SERPINB8: variants seen among roughly 807,000 people sequenced by gnomAD.
The protein encoded by SERPINB8 is serpin family B member 8, also known as serpin B8.
SERPINB8 carries 25 observed loss-of-function variants against 35.3 expected under a neutral mutation model. The observed-to-expected ratio is 0.71, with a 90% CI of 0.52 to 0.99. The LOEUF (loss-of-function observed/expected upper bound fraction) is 0.99, where lower values mean the gene tolerates loss of function less well. Ranked by LOEUF, SERPINB8 falls within the 50% of genes least tolerant of loss-of-function variation. SERPINB8 has a pLI of 0.00. For synonymous variants in SERPINB8, 186 were observed against 160.8 expected, an observed-to-expected ratio of 1.16 and a Z score of -1.19; for missense variants, 484 against 446.5, an observed-to-expected ratio of 1.08 and a Z score of -0.76.
At chr18:63,977,804 G>T (rs942700846) in intron 1 of SERPINB8, among the ~76,000 whole-genome samples, 2 of 152,184 alleles carry the variant, frequency 1.3e-5, no homozygotes, top group Non-Finnish European at 2.9e-5. Context: ...CACAAATTTA[G>T]TGGCTGAAAA....
At chr18:63,971,453 T>C (rs1465190116) in intron 1 of SERPINB8, among the ~76,000 whole-genome samples, 1 of 152,192 alleles carries the variant, frequency 6.6e-6, no homozygotes, top group East Asian at 1.9e-4. Flanking sequence ...GAACAAGTCA[T>C]ATTCCCCATT....
intron 3 of SERPINB8, among the ~76,000 whole-genome samples, chr18:63,981,320 C>T (rs2144807295): frequency 6.6e-6 from 1 of 152,320 alleles, no homozygotes; most frequent in South Asian, 2.1e-4. Context: ...TCTCGTTTAA[C>T]CAAAACCACA....
intron 1 of SERPINB8, among the ~76,000 whole-genome samples, chr18:63,998,708 C>T (rs1230641471): frequency 1.3e-5 from 2 of 152,168 alleles, no homozygotes; most frequent in Non-Finnish European, 2.9e-5. Context: ...TTGAGCCCTT[C>T]CTGAAGACCA....
chr18:63,979,598 C>T (rs551870399), intron 2 of SERPINB8, among the ~76,000 whole-genome samples: 1 of 152,266 alleles, frequency 6.6e-6, no homozygotes, highest in Non-Finnish European at 1.5e-5. Context: ...TCCTACAATG[C>T]TTATATGAGA....
chr18:63,979,874 G>C lies in SERPINB8; in HGVS notation c.242G>C (p.Gly81Ala), dbSNP rs140664480. 1 of 1,613,848 alleles carries C rather than the reference G, an allele frequency of 6.2e-7. No homozygotes were observed. Among genetic ancestry groups the C allele is most frequent in the Non-Finnish European group, 8.5e-7 (1 of 1,179,902 alleles). The change falls in exon 3 of 7, where the codon GGC (glycine) becomes GCC (alanine). Residue 81 changes from glycine to alanine, a missense_variant. Transcript: ENST00000397985. ...QSLLSEVNRT[G>A]TQYLLRTANR... ...CTTCTCAGTGAAGTTAACAGAACTG[G>C]CACTCAGTACTTGCTTAGAACTGCC...
At chr18:64,006,270 A>G (rs1370322263), downstream of SERPINB8, among the ~76,000 whole-genome samples, 1 of 152,190 alleles carries the variant, frequency 6.6e-6, no homozygotes, top group Non-Finnish European at 1.5e-5. Flanking sequence ...CTTAGTACAT[A>G]GGTATATTCT....
intron 1 of SERPINB8, among the ~76,000 whole-genome samples, chr18:63,975,777 C>T (rs955964863): frequency 1.3e-5 from 2 of 152,010 alleles, no homozygotes; most frequent in East Asian, 1.9e-4. Context: ...TAGGAGGAAG[C>T]GAAATATCTT....
At chr18:64,005,874 A>G (rs950249783), downstream of SERPINB8, among the ~76,000 whole-genome samples, 3 of 152,126 alleles carry the variant, frequency 2.0e-5, no homozygotes, top group Non-Finnish European at 4.4e-5. Context: ...TACCTAAAGG[A>G]AAAATAAATT....
At chr18:63,970,825 G>GT (rs1216472466) in intron 1 of SERPINB8, among the ~76,000 whole-genome samples, 1 of 151,234 alleles carries the variant, frequency 6.6e-6, no homozygotes, top group Admixed American at 6.6e-5. Context: ...TCATCTTTCT[G>GT]TATCTTTCAT....
At chr18:64,005,156 C>A in exon 2 of SERPINB8, 1 of 278,694 alleles carries the variant, frequency 3.6e-6, no homozygotes, top group Admixed American at 5.2e-5. Context: ...CAGTGAAATA[C>A]CACCACAACT....
rs202188705 is a variant in SERPINB8, at chr18:63,981,769, T to A, written c.355T>A (p.Leu119Met). 8.7e-5 allele frequency: 141 copies of A among 1,613,666 alleles called. 2 individuals carry two copies. The South Asian group carries it at 1.0e-3, about 12-fold the overall frequency. ...GTTCTATCAGGCAGAGCTGGAGGAG[T>A]TGTCCTTTGCTGAAGACACTGAAGA... is the stretch of plus-strand genomic sequence containing the variant. ...QKFYQAELEELSFAEDTEECR... is the reference protein window; with the variant it reads ...QKFYQAELEEMSFAEDTEECR... The change falls in exon 4 of 7, where the codon TTG becomes ATG. Residue 119 changes from leucine to methionine, a missense_variant. Leu to Met is a conservative substitution (Grantham distance 15). Coordinates refer to ENST00000397985, the MANE Select transcript of SERPINB8 (RefSeq NM_002640.4).
Position 63,997,905 on chromosome 18 carries a change from T to A in SERPINB8, c.71-6914T>A, listed in dbSNP as rs138445767. Among the ~76,000 whole-genome samples, 17 of 152,332 alleles carry A rather than the reference T, an allele frequency of 1.1e-4. No homozygotes were observed. In the East Asian group the frequency reaches 3.3e-3, roughly 29 times the overall value. ...CAAGGCAATGAGCAGACCGTGCATGTCAGCTAAACATGGAGAATGATTTGT... is the reference window on the plus strand; with the variant it reads ...CAAGGCAATGAGCAGACCGTGCATGACAGCTAAACATGGAGAATGATTTGT... On this transcript the variant is annotated intron_variant, in intron 1 of 1. Coordinates refer to the SERPINB8 transcript ENST00000493661.
chr18:63,979,787 G>A lies in SERPINB8; in HGVS notation c.169-14G>A, dbSNP rs1195205161. 1 of 1,613,878 alleles carries A rather than the reference G, an allele frequency of 6.2e-7. No homozygotes were observed. ...ATGGCAGCGTTAAAAGTCAGTGTTG[G>A]TTTCTGTTCCCAGGCACTTTGTTTA... On this transcript the variant is annotated splice_polypyrimidine_tract_variant and intron_variant, in intron 2 of 6. Coordinates refer to ENST00000397985, the MANE Select transcript of SERPINB8 (RefSeq NM_002640.4).
intron 5 of SERPINB8, 32 bp downstream of exon 5, chr18:63,983,753 T>A: frequency 4.7e-6 from 7 of 1,485,972 alleles, no homozygotes; most frequent in Non-Finnish European, 6.6e-6. Context: ...ATACTGCTAC[T>A]TTCTTAAAGT....
chr18:63,995,019 T>A (rs889138552), intron 1 of SERPINB8, among the ~76,000 whole-genome samples: 2 of 152,142 alleles, frequency 1.3e-5, no homozygotes, highest in Non-Finnish European at 1.5e-5. Flanking sequence ...ATTCCCAAAT[T>A]GCTCTCTGAG....
chr18:63,985,756 C>T (rs79540190), intron 6 of SERPINB8, among the ~76,000 whole-genome samples: 1,870 of 152,142 alleles, frequency 0.012, 52 homozygotes, highest in African/African-American at 0.043. Flanking sequence ...GGGAAATTTA[C>T]CTTATACAAG....
intron 6 of SERPINB8, chr18:63,986,428 C>A: frequency 6.8e-7 from 1 of 1,464,494 alleles, no homozygotes; most frequent in Non-Finnish European, 9.0e-7. Context: ...CTCTGAGTTG[C>A]CCTCTGATTT....
At chr18:64,003,974 C>T (rs550741533) in intron 1 of SERPINB8, among the ~76,000 whole-genome samples, 2 of 152,284 alleles carry the variant, frequency 1.3e-5, no homozygotes, top group South Asian at 2.1e-4. Context: ...CAGAATTAAC[C>T]ATTGCACATT....
chr18:63,996,889 A>T (rs1457599335), intron 1 of SERPINB8, among the ~76,000 whole-genome samples: 1 of 152,176 alleles, frequency 6.6e-6, no homozygotes, highest in African/African-American at 2.4e-5. Flanking sequence ...TTACTGTCAC[A>T]TTTCCCTTGT....
Sources: gnomAD v4.1 joint callset for allele counts (sites outside exome capture counted in the v4.1 genomes callset) on GRCh38, gnomAD v4.1.1 for gene constraint, MANE v1.5 for transcripts, NCBI Gene and HGNC (gene_info 2026-07-23, HGNC 2026-07-21) for gene names.